Variants in RMDN2 observed in about 807,000 individuals in gnomAD.
RMDN2 encodes the protein regulator of microtubule dynamics protein 2.
RMDN2 carries 61 observed loss-of-function variants against 52.8 expected under a neutral mutation model. The ratio of observed to expected loss-of-function variants is 1.16; its 90% CI spans 0.94 to 1.43. The LOEUF is 1.43. Among genes scored for constraint, RMDN2 ranks in the 40% most tolerant of loss-of-function variants. The probability of loss-of-function intolerance (pLI) is 0.00; values close to 1 mark genes in which losing one functional copy is unlikely to be tolerated. For synonymous variants in RMDN2, 180 were observed against 153.1 expected, an observed-to-expected ratio of 1.18 and a Z score of -1.30; for missense variants, 592 against 475.3, an observed-to-expected ratio of 1.25 and a Z score of -2.28.
At chr2:37,951,634 G>A (rs779968226) in intron 2 of RMDN2, 2 of 1,613,336 alleles carry the variant, frequency 1.2e-6, no homozygotes, top group Non-Finnish European at 1.7e-6. Flanking sequence ...TATTACAAGA[G>A]TGCCATTTTT....
chr2:37,996,715 G>A (rs1412040477), intron 7 of RMDN2, among the ~76,000 whole-genome samples: 2 of 151,940 alleles, frequency 1.3e-5, no homozygotes, highest in East Asian at 3.8e-4. Flanking sequence ...ACCCTTTTAA[G>A]TGTTCATTTT....
downstream of RMDN2, among the ~76,000 whole-genome samples, chr2:38,018,026 T>G (rs1406195469): frequency 6.6e-6 from 1 of 152,212 alleles, no homozygotes; most frequent in Admixed American, 6.5e-5. Context: ...TGTCATCAGT[T>G]AAGGCAGGGA....
intron 7 of RMDN2, among the ~76,000 whole-genome samples, chr2:37,994,483 G>A (rs1675240303): frequency 6.6e-6 from 1 of 152,100 alleles, no homozygotes; most frequent in Non-Finnish European, 1.5e-5. Context: ...AAATTAAATT[G>A]AAAAGATGAA....
Position 37,957,302 on chromosome 2 carries a change from A to G in RMDN2, c.453-16738A>G, listed in dbSNP as rs145918427. On this transcript the variant is annotated intron_variant, in intron 2 of 10. Transcript: ENST00000354545. The stretch of plus-strand genomic sequence containing the variant: ...TGTGAAAGCTTTCCTATTTCTCCAC[A>G]TCCTCTCCAGCATCTGTTGTTTCTG... Among the ~76,000 whole-genome samples, 405 of 152,294 alleles carry G rather than the reference A, an allele frequency of 2.7e-3. 2 individuals are homozygous for G. Among genetic ancestry groups the G allele is most frequent in the Middle Eastern group, 0.01 (3 of 294 alleles).
intron 3 of RMDN2, 187 bp from the exon 4 acceptor site, chr2:37,975,025 T>A: frequency 1.7e-6 from 1 of 582,860 alleles, no homozygotes; most frequent in Non-Finnish European, 3.0e-6. Flanking sequence ...CTACATTAGG[T>A]CATATTTCTT....
chr2:37,968,374 G>C (rs1671350929), intron 2 of RMDN2, among the ~76,000 whole-genome samples: 1 of 149,488 alleles, frequency 6.7e-6, no homozygotes, highest in East Asian at 2.0e-4. Context: ...CGGAGGCGTA[G>C]GCAGCAGTGA....
rs573413949 is a variant in RMDN2, at chr2:37,999,578, G to C, written c.1044+2064G>C. On this transcript the variant is annotated intron_variant, in intron 8 of 10. Coordinates refer to ENST00000354545, the MANE Select transcript of RMDN2 (RefSeq NM_001170791.3). ...TTGCCATATTTACTAGAACAGCTGA[G>C]AGGACTGAGGGGTCTGGAGTGCTGA... is the stretch of plus-strand genomic sequence containing the variant. Among the ~76,000 whole-genome samples, 3 of 152,292 alleles carry C rather than the reference G, an allele frequency of 2.0e-5. No homozygotes were observed. In the South Asian group the frequency reaches 6.2e-4, roughly 32 times the overall value.
At chr2:37,969,852 C>T (rs943479013) in intron 2 of RMDN2, among the ~76,000 whole-genome samples, 1 of 151,920 alleles carries the variant, frequency 6.6e-6, no homozygotes, top group Non-Finnish European at 1.5e-5. Flanking sequence ...CCCTCCCTTC[C>T]TTCCTATTTT....
intron 10 of RMDN2, among the ~76,000 whole-genome samples, chr2:38,049,389 C>T (rs752305762): frequency 2.6e-4 from 39 of 152,256 alleles, no homozygotes; most frequent in Admixed American, 1.2e-3. Flanking sequence ...CCTGTGTCCT[C>T]GGAGATGGCA....
chr2:38,014,737 G>A (rs1167449017), intron 10 of RMDN2, among the ~76,000 whole-genome samples: 1 of 152,182 alleles, frequency 6.6e-6, no homozygotes, highest in Non-Finnish European at 1.5e-5. Flanking sequence ...GAAAGAGAGA[G>A]ATTATCTTTA....
At chr2:38,012,563 G>T (rs1473034877) in intron 10 of RMDN2, 1 of 465,862 alleles carries the variant, frequency 2.1e-6, no homozygotes, top group Non-Finnish European at 4.4e-6. Flanking sequence ...AAGCAAAATA[G>T]TATGAGCAAA....
At chr2:38,058,503 C>T (rs949853490) in intron 10 of RMDN2, among the ~76,000 whole-genome samples, 1 of 152,184 alleles carries the variant, frequency 6.6e-6, no homozygotes, top group Admixed American at 6.5e-5. Context: ...ACTTCAGGAC[C>T]AGAAATTGTG....
intron 10 of RMDN2, among the ~76,000 whole-genome samples, chr2:38,057,542 T>A (rs558471644): frequency 1.3e-5 from 2 of 152,204 alleles, no homozygotes; most frequent in South Asian, 4.1e-4. Flanking sequence ...AGGAGATTCA[T>A]CTTACCAAGA....
Position 37,990,343 on chromosome 2 carries a change from AC to A in RMDN2, c.867+731del, listed in dbSNP as rs1674611323. ...AGACCAGCCTGGCCAACATGGTGAAACCCCATCTCTACTAAAAATACAAAAA... is the reference window on the plus strand; with the variant it reads ...AGACCAGCCTGGCCAACATGGTGAAACCCATCTCTACTAAAAATACAAAAA... On this transcript the variant is annotated intron_variant, in intron 6 of 10. Coordinates refer to ENST00000354545, the MANE Select transcript of RMDN2 (RefSeq NM_001170791.3). 2.7e-5 allele frequency among the ~76,000 whole-genome samples: 4 copies of A among 147,758 alleles called. No individual in the cohort carries two copies. In the South Asian group the frequency reaches 8.7e-4, roughly 32 times the overall value.
intron 2 of RMDN2, among the ~76,000 whole-genome samples, chr2:37,972,343 C>G (rs980011777): frequency 9.9e-5 from 15 of 151,896 alleles, no homozygotes; most frequent in African/African-American, 3.4e-4. Flanking sequence ...ATATGAATAT[C>G]TGGAGAAGAA....
Position 37,981,315 on chromosome 2 carries a change from G to A in RMDN2, c.763G>A (p.Ala255Thr). The A allele has an allele frequency of 1.2e-6, 2 of 1,607,570 alleles. No individual in the cohort carries two copies. The highest frequency in any genetic ancestry group is 1.7e-6 in the Non-Finnish European group (2 of 1,174,078). The change falls in exon 5 of 11, where the codon GCA becomes ACA. Residue 255 changes from alanine to threonine, a missense_variant. Coordinates refer to ENST00000354545, the MANE Select transcript of RMDN2 (RefSeq NM_001170791.3). ...TTTAAGTGAAAGAGCTATTAATAGA[G>A]CACCCATGAATGGACATTGTCATCT... is the stretch of plus-strand genomic sequence containing the variant. Reference protein sequence around the residue: ...KTLSERAINRAPMNGHCHLWY... With the variant: ...KTLSERAINRTPMNGHCHLWY...
At chr2:37,955,147 A>T (rs1192204418) in intron 2 of RMDN2, among the ~76,000 whole-genome samples, 1 of 151,988 alleles carries the variant, frequency 6.6e-6, no homozygotes, top group Non-Finnish European at 1.5e-5. Flanking sequence ...TGATCAGAGG[A>T]TACTTTTGCT....
At chr2:37,938,066 C>G (rs545894741) in intron 2 of RMDN2, among the ~76,000 whole-genome samples, 1 of 152,276 alleles carries the variant, frequency 6.6e-6, no homozygotes, top group East Asian at 1.9e-4. Flanking sequence ...TATGTTCCAT[C>G]AATACCTAGT....
chr2:37,926,678 G>T (rs938663077), intron 1 of RMDN2, among the ~76,000 whole-genome samples: 2 of 152,250 alleles, frequency 1.3e-5, no homozygotes, highest in African/African-American at 4.8e-5. Context: ...AGTGGCCCAT[G>T]CTGCTTATCC....
Sources: allele counts gnomAD v4.1 joint callset (sites outside exome capture counted in the v4.1 genomes callset), GRCh38; gene constraint gnomAD v4.1.1; transcripts MANE v1.5; gene names NCBI Gene and HGNC (gene_info 2026-07-23, HGNC 2026-07-21).